The following NEDD9 variants were observed in gnomAD, a reference collection of about 807,000 sequenced individuals.
NEDD9 encodes the protein neural precursor cell expressed, developmentally down-regulated 9.
In NEDD9, 26 loss-of-function variants were observed where a neutral mutation model predicts 76.6. The ratio of observed to expected loss-of-function variants is 0.34; its 90% CI spans 0.25 to 0.47. The LOEUF (loss-of-function observed/expected upper bound fraction) is 0.47. Among genes scored for constraint, NEDD9 ranks in the 20% least tolerant of loss-of-function variants. NEDD9 has a pLI of 1.00. For missense variants in NEDD9, 937 were observed against 1,058.5 expected (o/e 0.89, Z 1.59); for synonymous variants, 392 against 414.2 (o/e 0.95, Z 0.65).
At chr6:11,296,552 A>G (rs1458270764) in intron 3 of NEDD9, among the ~76,000 whole-genome samples, 1 of 152,230 alleles carries the variant, frequency 6.6e-6, no homozygotes, top group Non-Finnish European at 1.5e-5. Flanking sequence ...CACGGTGTGG[A>G]TAAGTACCTT....
chr6:11,254,542 T>G (rs994638649), intron 3 of NEDD9, among the ~76,000 whole-genome samples: 2 of 152,224 alleles, frequency 1.3e-5, no homozygotes, highest in African/African-American at 4.8e-5. Flanking sequence ...AATACATTCT[T>G]TGGTGGTGAT....
chr6:11,343,288 G>T (rs1389851622), intron 1 of NEDD9, among the ~76,000 whole-genome samples: 1 of 152,130 alleles, frequency 6.6e-6, no homozygotes, highest in Non-Finnish European at 1.5e-5. Flanking sequence ...AATTAGCTGG[G>T]TGTGGTGTCA....
intron 3 of NEDD9, among the ~76,000 whole-genome samples, chr6:11,246,177 GA>G (rs1759802921): frequency 6.6e-6 from 1 of 152,214 alleles, no homozygotes; most frequent in South Asian, 2.1e-4. Flanking sequence ...AGAATTCCAA[GA>G]GGGAGCTTAC....
intron 3 of NEDD9, 158 bp from the exon 4 acceptor site, chr6:11,192,604 T>A (rs901085102): frequency 3.5e-6 from 2 of 569,494 alleles, no homozygotes; most frequent in African/African-American, 4.0e-5. Flanking sequence ...GCCTTTTTTT[T>A]TAATACATTT....
At chr6:11,209,287 C>T (rs1027766622) in intron 2 of NEDD9, among the ~76,000 whole-genome samples, 12 of 152,254 alleles carry the variant, frequency 7.9e-5, no homozygotes, top group East Asian at 1.9e-4. Flanking sequence ...TTGCCTACAA[C>T]GCCTAATGGA....
At chr6:11,232,341 C>G (rs1192197513) in intron 1 of NEDD9, among the ~76,000 whole-genome samples, 163 bp downstream of exon 1, 1 of 147,468 alleles carries the variant, frequency 6.8e-6, no homozygotes, top group Non-Finnish European at 1.5e-5. Context: ...GACCGGGTCT[C>G]TGCTTGCTTG....
intron 1 of NEDD9, among the ~76,000 whole-genome samples, chr6:11,342,722 A>G (rs567520942): frequency 2.6e-5 from 4 of 152,316 alleles, no homozygotes; most frequent in South Asian, 4.1e-4. Flanking sequence ...CCACACAAAG[A>G]ATGAAGAGTA....
At chr6:11,316,281 G>C (rs1329944341) in intron 2 of NEDD9, among the ~76,000 whole-genome samples, 1 of 152,212 alleles carries the variant, frequency 6.6e-6, no homozygotes, top group Non-Finnish European at 1.5e-5. Context: ...CTTGCTGTTT[G>C]CTTTGAGGAA....
intron 2 of NEDD9, among the ~76,000 whole-genome samples, chr6:11,319,675 TACAC>T (rs1391990884): frequency 9.3e-6 from 1 of 107,534 alleles, no homozygotes; most frequent in Non-Finnish European, 1.9e-5. Flanking sequence ...CATGCACACA[TACAC>T]AAACATGGAC....
intron 1 of NEDD9, among the ~76,000 whole-genome samples, chr6:11,217,190 C>T (rs1758980139): frequency 6.6e-6 from 1 of 152,178 alleles, no homozygotes; most frequent in Admixed American, 6.5e-5. Context: ...TGAATTTCAG[C>T]TGGACCATAA....
At chr6:11,305,932 G>C in intron 3 of NEDD9, 1 of 1,578,994 alleles carries the variant, frequency 6.3e-7, no homozygotes, top group Non-Finnish European at 8.7e-7. Context: ...GAGAATTTAG[G>C]CTGAGCAAAC....
chr6:11,290,568 G>A (rs895094150), intron 3 of NEDD9, among the ~76,000 whole-genome samples: 3 of 152,164 alleles, frequency 2.0e-5, no homozygotes, highest in Non-Finnish European at 4.4e-5. Context: ...CTGGAACTGC[G>A]GGTTTTGCAG....
intron 2 of NEDD9, among the ~76,000 whole-genome samples, chr6:11,311,636 T>C (rs1157531819): frequency 6.6e-6 from 1 of 152,198 alleles, no homozygotes; most frequent in Non-Finnish European, 1.5e-5. Flanking sequence ...TGTTTGTGAA[T>C]ATTAAATAAA....
intron 3 of NEDD9, among the ~76,000 whole-genome samples, chr6:11,256,030 G>C (rs1759998608): frequency 6.6e-6 from 1 of 152,130 alleles, no homozygotes; most frequent in South Asian, 2.1e-4. Flanking sequence ...CAGAGCATCT[G>C]GGTCTTGGCC....
intron 1 of NEDD9, among the ~76,000 whole-genome samples, chr6:11,380,816 T>G (rs1213228459): frequency 6.6e-6 from 1 of 152,114 alleles, no homozygotes; most frequent in Non-Finnish European, 1.5e-5. Context: ...CTTCTTCTTC[T>G]TCTTCTTCTT....
chr6:11,304,298 A>G (rs921535516), intron 3 of NEDD9, among the ~76,000 whole-genome samples: 2 of 152,234 alleles, frequency 1.3e-5, no homozygotes, highest in Non-Finnish European at 1.5e-5. Context: ...TTAAAAAGTC[A>G]GGAAACAACA....
chr6:11,243,738 C>T (rs190118689), intron 3 of NEDD9, among the ~76,000 whole-genome samples: 38 of 152,316 alleles, frequency 2.5e-4, no homozygotes, highest in Non-Finnish European at 1.0e-4. Flanking sequence ...AGCTCCTTTT[C>T]CTTGTGTATT....
At chr6:11,261,532 T>C (rs1434638366) in intron 3 of NEDD9, among the ~76,000 whole-genome samples, 3 of 152,256 alleles carry the variant, frequency 2.0e-5, no homozygotes, top group Non-Finnish European at 2.9e-5. Context: ...CTCTTTGTCA[T>C]GTGCAAGTCA....
chr6:11,209,144 C>G (rs1758697889), intron 2 of NEDD9, among the ~76,000 whole-genome samples: 1 of 152,124 alleles, frequency 6.6e-6, no homozygotes, highest in Non-Finnish European at 1.5e-5. Flanking sequence ...ATTAATGGGG[C>G]AGACATGATA....
Sources: gnomAD v4.1 joint callset for allele counts (sites outside exome capture counted in the v4.1 genomes callset) on GRCh38, gnomAD v4.1.1 for gene constraint, MANE v1.5 for transcripts, NCBI Gene and HGNC (gene_info 2026-07-23, HGNC 2026-07-21) for gene names.